KAZN: variants seen among roughly 807,000 people sequenced by gnomAD.
KAZN encodes kazrin.
KAZN carries 40 observed loss-of-function variants against 87.4 expected under a neutral mutation model. The ratio of observed to expected loss-of-function variants is 0.46; its 90% CI spans 0.36 to 0.60. The LOEUF (loss-of-function observed/expected upper bound fraction) is 0.60. KAZN is among the 20% of genes least tolerant of loss of function. The pLI, the probability that KAZN is intolerant of heterozygous loss-of-function variation, is 0.00. For missense variants in KAZN, 898 were observed against 1,073.9 expected (o/e 0.84, Z 2.29); for synonymous variants, 466 against 458.3 (o/e 1.02, Z -0.22).
chr1:14,980,803 C>T (rs1192104687), intron 2 of KAZN, among the ~76,000 whole-genome samples: 1 of 152,106 alleles, frequency 6.6e-6, no homozygotes, highest in Non-Finnish European at 1.5e-5. Context: ...GGAGCACATC[C>T]TCAGTTGACA....
At chr1:14,180,493 G>A (rs374201920) in exon 2 of KAZN, 102 of 1,550,150 alleles carry the variant, frequency 6.6e-5, no homozygotes, top group African/African-American at 3.3e-4. Context: ...TCACCAAGTC[G>A]AAGGCACTGG....
At chr1:14,839,967 C>A (rs1647753229) in intron 1 of KAZN, among the ~76,000 whole-genome samples, 1 of 152,088 alleles carries the variant, frequency 6.6e-6, no homozygotes, top group African/African-American at 2.4e-5. Flanking sequence ...GCCTTCTGTC[C>A]TCTCCAGTAC....
At position 14,636,645 on chromosome 1, in the gene KAZN, A is replaced by C. The variant is rs115830553; in HGVS notation, c.226+37422A>C. Among the ~76,000 whole-genome samples the C allele has an allele frequency of 5.3e-3, 803 of 151,210 alleles. 5 individuals carry two copies. The highest frequency in any genetic ancestry group is 0.019 in the African/African-American group (777 of 40,826). The stretch of plus-strand genomic sequence containing the variant: ...GTCATTTCCTCCACCTGACAGGGAA[A>C]CTGAGGCAGCCTGATGCATGAGGCC... On this transcript the variant is annotated intron_variant, in intron 1 of 14. Coordinates refer to ENST00000376030, the MANE Select transcript of KAZN (RefSeq NM_201628.3).
intron 1 of KAZN, among the ~76,000 whole-genome samples, chr1:14,656,329 C>T (rs10927483): frequency 0.45 from 68,107 of 151,828 alleles, 15,545 homozygotes; most frequent in Middle Eastern, 0.57. Context: ...GTTTCCGGTC[C>T]CAGAAGCCTT....
chr1:14,260,902 G>A (rs188143457), intron 2 of KAZN, among the ~76,000 whole-genome samples: 14 of 152,248 alleles, frequency 9.2e-5, no homozygotes, highest in African/African-American at 3.1e-4. Flanking sequence ...TGAGGCAGAC[G>A]GCCTCCAGGG....
intron 1 of KAZN, among the ~76,000 whole-genome samples, chr1:14,953,508 A>C (rs1257042867): frequency 2.0e-5 from 3 of 152,248 alleles, no homozygotes; most frequent in Non-Finnish European, 4.4e-5. Flanking sequence ...TTCCCCATCT[A>C]TAAACTGTGG....
intron 2 of KAZN, among the ~76,000 whole-genome samples, chr1:14,440,147 T>C (rs533113641): frequency 5.3e-5 from 8 of 152,332 alleles, no homozygotes; most frequent in Non-Finnish European, 5.9e-5. Flanking sequence ...TCACTGCATG[T>C]CCCCAGCACT....
At chr1:14,136,811 T>C (rs1645118100) in intron 1 of KAZN, among the ~76,000 whole-genome samples, 1 of 152,186 alleles carries the variant, frequency 6.6e-6, no homozygotes, top group Admixed American at 6.5e-5. Context: ...GAGCCTCTAA[T>C]GAGCCAAAGC....
At position 14,949,148 on chromosome 1, in the gene KAZN, G is replaced by A. The variant is rs1017376441; in HGVS notation, c.227-11536G>A. Among the ~76,000 whole-genome samples, 2 of 117,664 alleles carry A rather than the reference G, an allele frequency of 1.7e-5. No homozygotes were observed. Among genetic ancestry groups the A allele is most frequent in the Admixed American group, 1.7e-4 (2 of 11,596 alleles). The allele number at this position is 117,664 out of a possible 152,430, so 77.2% of individuals were successfully genotyped here. ...AGCCTGGGCAACAGAGTGAGACTCC[G>A]ACTCAAAAATAATAATAATAATAAT... On this transcript the variant is annotated intron_variant, in intron 1 of 14. Coordinates refer to ENST00000376030, the MANE Select transcript of KAZN (RefSeq NM_201628.3). The surrounding 1 kb of genome is among the most constrained non-coding windows in gnomAD (Gnocchi z 4.3).
At position 14,598,735 on chromosome 1, in the gene KAZN, G is replaced by GCTC; in HGVS notation, c.-251_-249dup. 4 of 1,327,860 alleles carry GCTC rather than the reference G, an allele frequency of 3.0e-6. No individual in the cohort carries two copies. Among genetic ancestry groups the GCTC allele is most frequent in the South Asian group, 2.2e-5 (1 of 46,352 alleles). 82.3% of individuals were successfully genotyped at this position (1,327,860 alleles called of 1,614,324 possible). ...GCCCGCCGGGGTCTCGGCGATCGCT[G>GCTC]CTCCTCCTCCTCCTTCTCCTCCTCT... On this transcript the variant is annotated 5_prime_UTR_variant, in exon 1 of 15. Transcript: ENST00000376030. The surrounding 1 kb of genome is among the most constrained non-coding windows in gnomAD (Gnocchi z 4.2).
Position 14,985,819 on chromosome 1 carries a change from T to C in KAZN, c.418+24944T>C, listed in dbSNP as rs138958280. 2.0e-3 allele frequency among the ~76,000 whole-genome samples: 302 copies of C among 151,650 alleles called. 3 individuals are homozygous for C. Among genetic ancestry groups the C allele is most frequent in the African/African-American group, 6.0e-3 (246 of 41,336 alleles). Reference sequence around the variant, plus strand: ...GAGTTCAAGACCAGCCTGGCCAACATAGTGAAACCCTCATCTCTACTAAGA... The same window carrying C: ...GAGTTCAAGACCAGCCTGGCCAACACAGTGAAACCCTCATCTCTACTAAGA... On this transcript the variant is annotated intron_variant, in intron 2 of 14. Transcript: ENST00000376030.
chr1:14,968,847 C>T (rs1424345986), intron 2 of KAZN, among the ~76,000 whole-genome samples: 1 of 152,206 alleles, frequency 6.6e-6, no homozygotes, highest in Non-Finnish European at 1.5e-5. Context: ...AAGCTTGTGC[C>T]GATGCCTGTG....
chr1:14,826,636 T>C (rs1646896327), intron 1 of KAZN, among the ~76,000 whole-genome samples: 1 of 152,170 alleles, frequency 6.6e-6, no homozygotes. Context: ...CGGTTTCACA[T>C]GCATGCCCCC....
intron 2 of KAZN, among the ~76,000 whole-genome samples, chr1:14,443,035 A>G (rs1263258375): frequency 2.0e-5 from 3 of 152,176 alleles, no homozygotes; most frequent in Non-Finnish European, 4.4e-5. Flanking sequence ...CAATCAGTCA[A>G]GTCTTTCTCT....
chr1:14,402,850 C>CAA (rs1455496053), intron 2 of KAZN, among the ~76,000 whole-genome samples: 1 of 149,276 alleles, frequency 6.7e-6, no homozygotes. Context: ...TTTTTTGAGA[C>CAA]AGAGTCTCAC....
chr1:14,328,641 TG>T (rs888580623), intron 2 of KAZN, among the ~76,000 whole-genome samples: 3 of 150,616 alleles, frequency 2.0e-5, no homozygotes, highest in Admixed American at 6.7e-5. Context: ...ACGTGGAGCT[TG>T]TAGTGAGCCG....
chr1:13,912,144 C>T (rs542973527), intron 1 of KAZN, among the ~76,000 whole-genome samples: 1 of 152,312 alleles, frequency 6.6e-6, no homozygotes, highest in African/African-American at 2.4e-5. Context: ...CGATCAAAGG[C>T]AGCTTCCCAG....
At chr1:14,952,307 C>T (rs531687913) in intron 1 of KAZN, among the ~76,000 whole-genome samples, 1 of 150,846 alleles carries the variant, frequency 6.6e-6, no homozygotes, top group African/African-American at 2.5e-5. Context: ...GTTTCCTGGT[C>T]ACACAGACCC....
chr1:14,931,528 T>A (rs1267197304), intron 1 of KAZN, among the ~76,000 whole-genome samples: 1 of 152,178 alleles, frequency 6.6e-6, no homozygotes, highest in East Asian at 1.9e-4. Flanking sequence ...CAGCCCTCTC[T>A]GACCCATTCA....
Sources: gnomAD v4.1 joint callset for allele counts (sites outside exome capture counted in the v4.1 genomes callset) on GRCh38, gnomAD v4.1.1 for gene constraint, Gnocchi (gnomAD v3.1) non-coding constraint, MANE v1.5 for transcripts, NCBI Gene and HGNC (gene_info 2026-07-23, HGNC 2026-07-21) for gene names.